The following UGGT2 variants were observed in gnomAD, a reference collection of about 807,000 sequenced individuals.
The protein encoded by UGGT2 is UDP-glucose glycoprotein glucosyltransferase 2, also known as UDP-glucose:glycoprotein glucosyltransferase 2.
UGGT2 carries 180 observed loss-of-function variants against 192.1 expected under a neutral mutation model. That is an observed-to-expected ratio of 0.94 (90% CI 0.83 to 1.06). The LOEUF is 1.06. Ranked by LOEUF, UGGT2 falls within the 50% of genes least tolerant of loss-of-function variation. The pLI is 0.00. For synonymous variants in UGGT2, 580 were observed against 591.0 expected (o/e 0.98, Z 0.27); for missense variants, 1,849 against 1,795.7 (o/e 1.03, Z -0.54).
intron 2 of UGGT2, among the ~76,000 whole-genome samples, chr13:96,027,623 A>C (rs1254185121): frequency 6.6e-6 from 1 of 152,184 alleles, no homozygotes; most frequent in African/African-American, 2.4e-5. Context: ...TCATAGTCAA[A>C]GGTCTTAAAA....
Position 95,887,879 on chromosome 13 carries a change from C to CAG in UGGT2, c.3038+12_3038+13insCT. 1 of 1,519,542 alleles carries CAG rather than the reference C, an allele frequency of 6.6e-7. No homozygotes were observed. 94.1% of individuals were successfully genotyped at this position (1,519,542 alleles called of 1,614,324 possible). On this transcript the variant is annotated intron_variant, in intron 26 of 38. Coordinates refer to ENST00000376747, the MANE Select transcript of UGGT2 (RefSeq NM_020121.4). The stretch of plus-strand genomic sequence containing the variant: ...AAATTTTTCAAAATGAAATTTTGTT[C>CAG]ACTCAGATTTACCTTTCTAAAGGGG...
At position 95,900,940 on chromosome 13, in the gene UGGT2, T is replaced by C. The variant is rs1227781239; in HGVS notation, c.2503-2A>G. 2 of 1,579,678 alleles carry C rather than the reference T, an allele frequency of 1.3e-6. No homozygotes were observed. The highest frequency in any genetic ancestry group is 1.4e-5 in the African/African-American group (1 of 74,026). On this transcript the variant is annotated splice_acceptor_variant, in intron 21 of 38. Coordinates refer to ENST00000376747, the MANE Select transcript of UGGT2 (RefSeq NM_020121.4). LOFTEE classifies it high-confidence loss of function. ...CTCAAAAGCATTCTTATCCATCCCC[T>C]AAAGCAAAAGTTAAGACTGATGAAA...
Position 96,023,148 on chromosome 13 carries a change from G to C in UGGT2, c.377C>G (p.Ala126Gly), listed in dbSNP as rs1304035295. 1.3e-6 allele frequency: 2 copies of C among 1,572,396 alleles called. No individual in the cohort carries two copies. Among genetic ancestry groups the C allele is most frequent in the Non-Finnish European group, 8.6e-7 (1 of 1,157,918 alleles). Residue 126 changes from alanine to glycine, a missense_variant, in exon 4 of 39, where the codon GCA becomes GGA. Ala to Gly is a moderately conservative substitution (Grantham distance 60). Transcript: ENST00000376747. ...ACCATCTGGTGGTGGCTCATCAGCT[G>C]CAATCTAAGATTTCAAAGATTATAT... ...SPAIQMFQQI[A>G]ADEPPPDGCN...
intron 24 of UGGT2, 88 bp from the exon 25 acceptor site, chr13:95,891,052 T>C (rs991055615): frequency 4.2e-6 from 4 of 952,740 alleles, no homozygotes; most frequent in Non-Finnish European, 6.1e-6. Context: ...TTCTTATAAA[T>C]TGTTTTCTTT....
chr13:96,029,356 G>A (rs903284395), intron 2 of UGGT2, among the ~76,000 whole-genome samples: 9 of 150,336 alleles, frequency 6.0e-5, no homozygotes, highest in Non-Finnish European at 1.0e-4. Context: ...GTGTGATCTC[G>A]GCTCACTGCA....
chr13:95,870,893 C>T (rs988520314), intron 29 of UGGT2, among the ~76,000 whole-genome samples: 10 of 152,162 alleles, frequency 6.6e-5, no homozygotes, highest in African/African-American at 2.2e-4. Context: ...CACAAAAGGG[C>T]AAGTTTGGCC....
intron 38 of UGGT2, among the ~76,000 whole-genome samples, chr13:95,817,992 A>G (rs1885079108): frequency 6.6e-6 from 1 of 152,212 alleles, no homozygotes; most frequent in Admixed American, 6.5e-5. Context: ...TATCAGAATC[A>G]GAACCTGGGA....
intron 20 of UGGT2, among the ~76,000 whole-genome samples, 200 bp from the exon 21 acceptor site, chr13:95,903,260 A>T (rs1034176334): frequency 1.3e-5 from 2 of 152,182 alleles, no homozygotes; most frequent in Non-Finnish European, 2.9e-5. Flanking sequence ...ATTCCTTCAG[A>T]TATTTGCATA....
chr13:95,943,067 G>A (rs1239450542), intron 15 of UGGT2, among the ~76,000 whole-genome samples: 1 of 152,016 alleles, frequency 6.6e-6, no homozygotes, highest in Non-Finnish European at 1.5e-5. Context: ...GGACCCCCAC[G>A]TTCTTTTGAT....
At chr13:95,888,153 G>A (rs749003505) in intron 25 of UGGT2, among the ~76,000 whole-genome samples, 182 bp from the exon 26 acceptor site, 10 of 152,212 alleles carry the variant, frequency 6.6e-5, no homozygotes, top group Non-Finnish European at 1.3e-4. Flanking sequence ...AGGTCACACA[G>A]AAACTCACAG....
intron 38 of UGGT2, among the ~76,000 whole-genome samples, chr13:95,823,706 T>G (rs1394030927): frequency 2.0e-5 from 3 of 152,114 alleles, no homozygotes; most frequent in Non-Finnish European, 4.4e-5. Context: ...GATTTTTAAA[T>G]TCATTCTGCC....
intron 38 of UGGT2, among the ~76,000 whole-genome samples, chr13:95,823,762 G>A (rs187781776): frequency 1.4e-4 from 22 of 152,140 alleles, no homozygotes; most frequent in African/African-American, 4.6e-4. Context: ...TACATTCAAT[G>A]TTAATAGAGA....
At chr13:95,849,245 T>C (rs545026900) in intron 36 of UGGT2, among the ~76,000 whole-genome samples, 2 of 152,070 alleles carry the variant, frequency 1.3e-5, no homozygotes, top group East Asian at 3.9e-4. Flanking sequence ...TTAAAAAAAA[T>C]TTATCTTATG....
At chr13:96,015,450 C>T (rs2052305364) in intron 4 of UGGT2, among the ~76,000 whole-genome samples, 1 of 152,096 alleles carries the variant, frequency 6.6e-6, no homozygotes, top group Non-Finnish European at 1.5e-5. Flanking sequence ...TACCTTCCTT[C>T]CTGTACCTAT....
chr13:95,814,134 G>GTA (rs1362065694), intron 38 of UGGT2, among the ~76,000 whole-genome samples: 2 of 152,224 alleles, frequency 1.3e-5, no homozygotes, highest in Non-Finnish European at 2.9e-5. Context: ...AAGTGGGATT[G>GTA]TACCCCCCAC....
Position 95,856,144 on chromosome 13 carries a change from G to C in UGGT2, c.4008+14C>G. 6.3e-7 allele frequency: 1 copy of C among 1,595,136 alleles called. No homozygotes were observed. Among genetic ancestry groups the C allele is most frequent in the Non-Finnish European group, 8.5e-7 (1 of 1,173,012 alleles). On this transcript the variant is annotated intron_variant, in intron 34 of 38. Coordinates refer to ENST00000376747, the MANE Select transcript of UGGT2 (RefSeq NM_020121.4). ...TGTTTGCGTATTACTAAAAATAGTAGTTAACCTTATTACCTGGTCAGCATC... is the reference window on the plus strand; with the variant it reads ...TGTTTGCGTATTACTAAAAATAGTACTTAACCTTATTACCTGGTCAGCATC...
At chr13:95,921,074 T>G (rs2048830454) in intron 20 of UGGT2, among the ~76,000 whole-genome samples, 1 of 152,160 alleles carries the variant, frequency 6.6e-6, no homozygotes, top group South Asian at 2.1e-4. Context: ...GCCATTATCC[T>G]CAGCAAACTA....
At chr13:95,863,954 C>A (rs1490702530) in intron 30 of UGGT2, among the ~76,000 whole-genome samples, 1 of 152,056 alleles carries the variant, frequency 6.6e-6, no homozygotes, top group Non-Finnish European at 1.5e-5. Context: ...AATGTGCTTA[C>A]CCTTGTGTTT....
At chr13:96,004,453 G>C (rs963552364) in intron 5 of UGGT2, among the ~76,000 whole-genome samples, 6 of 152,164 alleles carry the variant, frequency 3.9e-5, no homozygotes, top group African/African-American at 1.4e-4. Flanking sequence ...GGGATTAAGA[G>C]GGGATGGTTA....
Sources: gnomAD v4.1 joint callset for allele counts (sites outside exome capture counted in the v4.1 genomes callset) on GRCh38, gnomAD v4.1.1 for gene constraint, MANE v1.5 for transcripts, NCBI Gene and HGNC (gene_info 2026-07-23, HGNC 2026-07-21) for gene names.